The following TNRC6C variants were observed in gnomAD, a reference collection of about 807,000 sequenced individuals.
TNRC6C encodes trinucleotide repeat containing adaptor 6C, also known as trinucleotide repeat-containing gene 6C protein.
Under a neutral mutation model 153.7 loss-of-function variants are expected in TNRC6C, and 20 were observed. The observed-to-expected ratio is 0.13, with a 90% CI of 0.09 to 0.19. TNRC6C has a LOEUF of 0.19. Ranked by LOEUF, TNRC6C falls within the 10% of genes least tolerant of loss-of-function variation. The pLI, the probability that TNRC6C is intolerant of heterozygous loss-of-function variation, is 1.00. For missense variants in TNRC6C, 1,987 were observed against 2,172.0 expected, an observed-to-expected ratio of 0.91 and a Z score of 1.69; for synonymous variants, 811 against 841.4, an observed-to-expected ratio of 0.96 and a Z score of 0.63.
chr17:78,016,305 C>G (rs958089472), intron 1 of TNRC6C, among the ~76,000 whole-genome samples: 5 of 152,216 alleles, frequency 3.3e-5, no homozygotes, highest in Non-Finnish European at 5.9e-5. Context: ...ACTGTGCTTA[C>G]AGGCACCCAC....
At chr17:78,056,013 C>A (rs764302463) in intron 3 of TNRC6C, among the ~76,000 whole-genome samples, 1 of 152,158 alleles carries the variant, frequency 6.6e-6, no homozygotes, top group Non-Finnish European at 1.5e-5. Context: ...GATACGTGAT[C>A]CTTAGAAACT....
intron 1 of TNRC6C, among the ~76,000 whole-genome samples, chr17:77,992,566 T>C (rs76979417): frequency 0.027 from 4,091 of 152,104 alleles, 175 homozygotes; most frequent in African/African-American, 0.094. Flanking sequence ...TGTGTTGCCT[T>C]GGCCCCCCAG....
intron 2 of TNRC6C, among the ~76,000 whole-genome samples, chr17:78,034,330 T>C (rs2072136447): frequency 6.6e-6 from 1 of 151,950 alleles, no homozygotes; most frequent in Non-Finnish European, 1.5e-5. Context: ...GTGCTGTGAT[T>C]CCAGGCGTGA....
intron 1 of TNRC6C, among the ~76,000 whole-genome samples, chr17:78,030,636 A>G (rs1349589209): frequency 1.3e-5 from 2 of 152,198 alleles, no homozygotes; most frequent in Non-Finnish European, 2.9e-5. Flanking sequence ...ATAACCCAGA[A>G]TGCACCAATA....
intron 1 of TNRC6C, among the ~76,000 whole-genome samples, chr17:78,021,258 A>G (rs2071826281): frequency 6.6e-6 from 1 of 152,240 alleles, no homozygotes; most frequent in Non-Finnish European, 1.5e-5. Flanking sequence ...CTGGAGAATG[A>G]GTACAAAGAC....
intron 13 of TNRC6C, 100 bp from the exon 16 acceptor site, chr17:78,091,340 A>T (rs1390671376): frequency 2.3e-6 from 3 of 1,320,298 alleles, no homozygotes; most frequent in Non-Finnish European, 2.9e-6. Context: ...AAAAAAAAAA[A>T]ATTTGCTGTA....
upstream of TNRC6C, among the ~76,000 whole-genome samples, chr17:77,999,749 G>A (rs983153012): frequency 1.3e-5 from 2 of 152,196 alleles, no homozygotes; most frequent in African/African-American, 4.8e-5. Context: ...GCTGGGTAGC[G>A]ATTGGTATCC....
chr17:78,049,834 A>G lies in TNRC6C; in HGVS notation c.772A>G (p.Thr258Ala). 6.2e-7 allele frequency: 1 copy of G among 1,613,422 alleles called. No homozygotes were observed. Among genetic ancestry groups the G allele is most frequent in the Non-Finnish European group, 8.5e-7 (1 of 1,179,470 alleles). ...GGGACTGTCCCCAGGTAACCCTGCCACAGGAAATAGCAATTCTGGGTTCAG... is the reference window on the plus strand; with the variant it reads ...GGGACTGTCCCCAGGTAACCCTGCCGCAGGAAATAGCAATTCTGGGTTCAG... Residue 258 changes from threonine (T) to alanine (A), a missense_variant, in exon 3 of 20, where the codon ACA becomes GCA. Around this residue, in one of 4 missense-constraint regions of TNRC6C, gnomAD observed 1,052 missense variants for 1,017.0 expected, o/e 1.03. Transcript: ENST00000301624. This position sits in a 1 kb window ranked among gnomAD's most constrained non-coding sequence, Gnocchi z 4.1.
chr17:78,103,518 G>A, exon 19 of TNRC6C: 1 of 1,614,024 alleles, frequency 6.2e-7, no homozygotes, highest in Non-Finnish European at 8.5e-7. Context: ...ACAGCTCCAA[G>A]GAGGAGGCTG....
chr17:78,055,181 C>T (rs781095207), intron 3 of TNRC6C, among the ~76,000 whole-genome samples: 19 of 152,240 alleles, frequency 1.2e-4, no homozygotes, highest in Non-Finnish European at 2.4e-4. Context: ...TACAGCTTCA[C>T]AAAAGTATTT....
chr17:77,964,005 C>T (rs769036415), intron 1 of TNRC6C, among the ~76,000 whole-genome samples: 4 of 152,154 alleles, frequency 2.6e-5, no homozygotes, highest in African/African-American at 4.8e-5. Context: ...GAACCACTGC[C>T]CTAAGACCCA....
At chr17:77,987,694 G>A (rs1002474304) in intron 1 of TNRC6C, among the ~76,000 whole-genome samples, 2 of 152,038 alleles carry the variant, frequency 1.3e-5, no homozygotes, top group African/African-American at 4.8e-5. Context: ...GTTTTTTGGA[G>A]ACAGAGTCTC....
At chr17:77,968,786 C>T (rs966509804) in intron 1 of TNRC6C, among the ~76,000 whole-genome samples, 2 of 152,162 alleles carry the variant, frequency 1.3e-5, no homozygotes, top group African/African-American at 4.8e-5. Context: ...AATTAGTGAA[C>T]GTGAGTTTAA....
intron 1 of TNRC6C, among the ~76,000 whole-genome samples, chr17:77,991,218 C>CT (rs2071244763): frequency 6.6e-6 from 1 of 152,140 alleles, no homozygotes; most frequent in Non-Finnish European, 1.5e-5. Context: ...CATCATATTC[C>CT]TGTAGAGTCA....
At chr17:78,007,824 A>G (rs1767742535) in intron 1 of TNRC6C, among the ~76,000 whole-genome samples, 2 of 152,266 alleles carry the variant, frequency 1.3e-5, no homozygotes, top group Admixed American at 1.3e-4. Context: ...AGCTCAAACT[A>G]GACCAAATCA....
rs145429115 is a variant in TNRC6C, at chr17:78,089,597, T to C, written c.3803-1843T>C. Reference sequence around the variant, plus strand: ...CCTTCCCTCATGTTCAGCCTGTCGTTGTTATTCTCAGTCTTTTGCCACCTG... The same window carrying C: ...CCTTCCCTCATGTTCAGCCTGTCGTCGTTATTCTCAGTCTTTTGCCACCTG... On this transcript the variant is annotated intron_variant, in intron 13 of 19. Transcript: ENST00000301624. Among the ~76,000 whole-genome samples the C allele has an allele frequency of 1.3e-3, 200 of 152,232 alleles. 3 individuals carry two copies. In the East Asian group the frequency reaches 0.035, roughly 26 times the overall value.
At chr17:78,068,406 G>A (rs72894085) in intron 5 of TNRC6C, among the ~76,000 whole-genome samples, 15,434 of 152,250 alleles carry the variant, frequency 0.1, 861 homozygotes, top group East Asian at 0.18. Context: ...CACAACTCAT[G>A]TCAACAGAAG....
intron 17 of TNRC6C, among the ~76,000 whole-genome samples, chr17:78,099,312 T>C (rs1011140527): frequency 3.3e-5 from 5 of 152,186 alleles, no homozygotes; most frequent in Admixed American, 2.6e-4. Context: ...AACAAAATTT[T>C]TAAAATCAGC....
intron 1 of TNRC6C, among the ~76,000 whole-genome samples, chr17:78,021,771 T>C (rs1194729119): frequency 6.6e-6 from 1 of 152,134 alleles, no homozygotes; most frequent in Non-Finnish European, 1.5e-5. Flanking sequence ...GGTTTCACCA[T>C]GTTGGCCAAG....
Sources: gnomAD v4.1 joint callset for allele counts (sites outside exome capture counted in the v4.1 genomes callset) on GRCh38, gnomAD v4.1.1 for gene constraint, gnomAD v4.1.1 regional missense constraint, Gnocchi (gnomAD v3.1) non-coding constraint, MANE v1.5 for transcripts, NCBI Gene and HGNC (gene_info 2026-07-23, HGNC 2026-07-21) for gene names.